Variants in MTHFD1L observed in about 807,000 individuals in gnomAD.
The protein encoded by MTHFD1L is monofunctional C1-tetrahydrofolate synthase, mitochondrial.
Under a neutral mutation model 119.5 loss-of-function variants are expected in MTHFD1L, and 81 were observed. That is an observed-to-expected ratio of 0.68 (90% CI 0.57 to 0.82). MTHFD1L has a LOEUF of 0.82. Ranked by LOEUF, MTHFD1L falls within the 40% of genes least tolerant of loss-of-function variation. The probability of loss-of-function intolerance (pLI) is 0.00; values close to 1 mark genes in which losing one functional copy is unlikely to be tolerated. For missense variants in MTHFD1L, 1,125 were observed against 1,253.4 expected, an observed-to-expected ratio of 0.90 and a Z score of 1.55; for synonymous variants, 430 against 475.2, an observed-to-expected ratio of 0.90 and a Z score of 1.24.
intron 19 of MTHFD1L, among the ~76,000 whole-genome samples, chr6:150,967,422 TCTC>T (rs71734520): frequency 0.47 from 71,603 of 151,784 alleles, 17,794 homozygotes; most frequent in South Asian, 0.59. Flanking sequence ...TTTGCCCCGT[TCTC>T]CTCCAGAATT....
At chr6:150,950,662 G>A (rs574304993) in intron 16 of MTHFD1L, among the ~76,000 whole-genome samples, 1 of 152,228 alleles carries the variant, frequency 6.6e-6, no homozygotes, top group East Asian at 1.9e-4. Flanking sequence ...ATTGAGTAGA[G>A]TTTTTTGTTT....
intron 24 of MTHFD1L, among the ~76,000 whole-genome samples, chr6:151,028,893 T>C (rs898484294): frequency 3.3e-5 from 5 of 151,334 alleles, no homozygotes; most frequent in African/African-American, 1.2e-4. Flanking sequence ...CTGGACAACA[T>C]AGCAAGACCC....
intron 26 of MTHFD1L, among the ~76,000 whole-genome samples, chr6:151,084,511 C>G (rs932543448): frequency 1.3e-5 from 2 of 152,124 alleles, no homozygotes; most frequent in African/African-American, 4.8e-5. Context: ...ACTCCTGGCC[C>G]CAAGCGATCC....
rs756867726 is a variant in MTHFD1L, at chr6:150,945,561, T to G, written c.1623+20T>G. On this transcript the variant is annotated intron_variant, in intron 15 of 27. Transcript: ENST00000367321. ...CTAAAAGTAAGTTTCCAGTTAGCAA[T>G]TCTTTAAAAAGAAAATATCGTAGAA... is the stretch of plus-strand genomic sequence containing the variant. 3 of 1,604,662 alleles carry G rather than the reference T, an allele frequency of 1.9e-6. No homozygotes were observed. The highest frequency in any genetic ancestry group is 2.6e-6 in the Non-Finnish European group (3 of 1,174,088).
chr6:150,880,893 G>T (rs1209099858), intron 4 of MTHFD1L, among the ~76,000 whole-genome samples: 5 of 152,144 alleles, frequency 3.3e-5, no homozygotes, highest in African/African-American at 1.2e-4. Context: ...ATGTCCTTTG[G>T]GAGATGTCTG....
At chr6:151,095,746 A>G (rs1382465719) in intron 27 of MTHFD1L, among the ~76,000 whole-genome samples, 1 of 152,252 alleles carries the variant, frequency 6.6e-6, no homozygotes, top group African/African-American at 2.4e-5. Flanking sequence ...CATAAGGGCC[A>G]CAAGGCTTCA....
intron 17 of MTHFD1L, among the ~76,000 whole-genome samples, chr6:150,958,902 A>G (rs942652935): frequency 2.0e-5 from 3 of 152,214 alleles, no homozygotes; most frequent in Non-Finnish European, 4.4e-5. Flanking sequence ...TTGTAATTGT[A>G]ACAATTACAA....
intron 20 of MTHFD1L, among the ~76,000 whole-genome samples, chr6:150,979,807 C>T (rs1209799704): frequency 1.3e-5 from 2 of 152,114 alleles, no homozygotes; most frequent in Non-Finnish European, 2.9e-5. Flanking sequence ...GCCTAGGGGA[C>T]AGTTTTATAA....
intron 7 of MTHFD1L, 74 bp from the exon 8 acceptor site, chr6:150,905,576 A>G: frequency 9.3e-7 from 1 of 1,073,130 alleles, no homozygotes; most frequent in African/African-American, 1.6e-5. Context: ...TGTAGAACTC[A>G]TTTGACATCA....
chr6:151,031,265 C>T (rs570518668), intron 24 of MTHFD1L, among the ~76,000 whole-genome samples: 72 of 152,308 alleles, frequency 4.7e-4, no homozygotes, highest in African/African-American at 1.5e-3. Flanking sequence ...GCCCTCCTTT[C>T]GATTTTTTGT....
At chr6:151,079,536 C>T (rs976971417) in intron 26 of MTHFD1L, among the ~76,000 whole-genome samples, 3 of 152,048 alleles carry the variant, frequency 2.0e-5, no homozygotes, top group Non-Finnish European at 4.4e-5. Flanking sequence ...CGGCTCACAG[C>T]TGGAGTGCGA....
chr6:150,922,396 G>A, intron 10 of MTHFD1L, 94 bp downstream of exon 10: 1 of 858,644 alleles, frequency 1.2e-6, no homozygotes, highest in Non-Finnish European at 1.8e-6. Flanking sequence ...ATGGTACTGT[G>A]GTTTTGATGG....
chr6:150,906,794 G>A (rs1487454599), intron 8 of MTHFD1L, among the ~76,000 whole-genome samples: 1 of 152,114 alleles, frequency 6.6e-6, no homozygotes, highest in Non-Finnish European at 1.5e-5. Flanking sequence ...GCCAGAGGTT[G>A]TTACTGACCC....
At chr6:150,993,307 G>A (rs1229465953) in intron 20 of MTHFD1L, among the ~76,000 whole-genome samples, 1 of 151,712 alleles carries the variant, frequency 6.6e-6, no homozygotes, top group African/African-American at 2.4e-5. Context: ...GTAATTTAGA[G>A]ACAGAATTTA....
chr6:150,926,390 T>C lies in MTHFD1L; in HGVS notation c.1256+95T>C, dbSNP rs929717881. ...TCCTCGTACCCCTCAATCCATCCTA[T>C]TCTCACATTTGACATTTCGTCCATT... On this transcript the variant is annotated intron_variant, in intron 11 of 27. Transcript: ENST00000367321. This position sits in a 1 kb window ranked among gnomAD's most constrained non-coding sequence, Gnocchi z 4.3. The C allele has an allele frequency of 8.9e-7, 1 of 1,118,900 alleles. No individual in the cohort carries two copies. The highest frequency in any genetic ancestry group is 1.6e-5 in the African/African-American group (1 of 63,652). The allele number at this position is 1,118,900 out of a possible 1,614,324, so 69.3% of individuals were successfully genotyped here. A position where few individuals can be genotyped will look rare whatever the true frequency, so the allele number is the denominator to read the frequency against.
intron 10 of MTHFD1L, among the ~76,000 whole-genome samples, chr6:150,924,927 C>T (rs1789664415): frequency 6.7e-6 from 1 of 150,270 alleles, no homozygotes. Context: ...AAGGAATACT[C>T]AGCGGTACTT....
At chr6:151,095,180 G>A (rs968628102) in intron 27 of MTHFD1L, among the ~76,000 whole-genome samples, 1 of 152,180 alleles carries the variant, frequency 6.6e-6, no homozygotes, top group African/African-American at 2.4e-5. Context: ...AGAAAATGAA[G>A]TAAGGGAGAC....
intron 26 of MTHFD1L, among the ~76,000 whole-genome samples, chr6:151,063,217 C>T (rs1029879293): frequency 6.6e-6 from 1 of 152,096 alleles, no homozygotes; most frequent in Non-Finnish European, 1.5e-5. Flanking sequence ...ACACATCCTA[C>T]CCATAATAAT....
chr6:151,028,834 G>A (rs941925216), intron 24 of MTHFD1L, among the ~76,000 whole-genome samples: 2 of 152,172 alleles, frequency 1.3e-5, no homozygotes, highest in African/African-American at 4.8e-5. Context: ...CCAGCACTTT[G>A]GAAGTCTGAG....
Sources: gnomAD v4.1 joint callset for allele counts (sites outside exome capture counted in the v4.1 genomes callset) on GRCh38, gnomAD v4.1.1 for gene constraint, Gnocchi (gnomAD v3.1) non-coding constraint, MANE v1.5 for transcripts, NCBI Gene and HGNC (gene_info 2026-07-23, HGNC 2026-07-21) for gene names.